MCTP2: variants seen among roughly 807,000 people sequenced by gnomAD.
The protein encoded by MCTP2 is multiple C2 and transmembrane domain containing 2.
Under a neutral mutation model 111.6 loss-of-function variants are expected in MCTP2, and 132 were observed. The observed-to-expected ratio is 1.18, with a 90% CI of 1.03 to 1.37. The LOEUF (loss-of-function observed/expected upper bound fraction) is 1.37. Among genes scored for constraint, MCTP2 ranks in the 40% most tolerant of loss-of-function variants. The pLI is 0.00. For synonymous variants in MCTP2, 395 were observed against 387.7 expected (o/e 1.02, Z -0.22); for missense variants, 1,183 against 1,067.9 (o/e 1.11, Z -1.50).
intron 17 of MCTP2, among the ~76,000 whole-genome samples, chr15:94,407,109 A>G (rs867015766): frequency 2.6e-5 from 4 of 152,310 alleles, no homozygotes; most frequent in Non-Finnish European, 5.9e-5. Context: ...TGGTAGATCC[A>G]ATCATGTATG....
At chr15:94,410,983 C>G (rs570652919) in intron 17 of MCTP2, among the ~76,000 whole-genome samples, 27 of 152,246 alleles carry the variant, frequency 1.8e-4, no homozygotes, top group South Asian at 4.2e-4. Flanking sequence ...AGCAAAATGG[C>G]CAAAAGGCAG....
At position 94,315,528 on chromosome 15, in the gene MCTP2, G is replaced by C; in HGVS notation, c.529-1G>C. 2 of 1,611,940 alleles carry C rather than the reference G, an allele frequency of 1.2e-6. No homozygotes were observed. Among genetic ancestry groups the C allele is most frequent in the South Asian group, 1.1e-5 (1 of 90,990 alleles). ...CTTAACTGCCTTCTCCATCTGTGCA[G>C]GTACCGGGGGAAGCCAGTGATGGCT... On this transcript the variant is annotated splice_acceptor_variant, in intron 3 of 22. Coordinates refer to ENST00000357742, the MANE Select transcript of MCTP2 (RefSeq NM_001385001.1). LOFTEE classifies it high-confidence loss of function.
chr15:94,426,275 T>G (rs975047061), intron 17 of MCTP2, among the ~76,000 whole-genome samples: 1 of 152,168 alleles, frequency 6.6e-6, no homozygotes, highest in South Asian at 2.1e-4. Context: ...GTATCACTTA[T>G]AGCTTTTTCC....
intron 1 of MCTP2, among the ~76,000 whole-genome samples, chr15:94,241,177 G>C (rs557552620): frequency 8.2e-4 from 124 of 151,834 alleles, no homozygotes; most frequent in East Asian, 2.9e-3. Flanking sequence ...TAGGATGTGA[G>C]AGCAAATGCA....
intron 11 of MCTP2, among the ~76,000 whole-genome samples, chr15:94,369,216 A>G (rs773571607): frequency 3.3e-5 from 5 of 152,250 alleles, no homozygotes; most frequent in Admixed American, 6.5e-5. Context: ...ACTGTTATTA[A>G]GCTTGTGTTA....
chr15:94,411,909 T>G (rs1444364274), intron 17 of MCTP2, among the ~76,000 whole-genome samples: 1 of 152,316 alleles, frequency 6.6e-6, no homozygotes, highest in South Asian at 2.1e-4. Context: ...ACTTTTCTAT[T>G]GCTTCCCAAG....
In MCTP2 at chr15:94,319,286, CT is replaced by C. The variant is rs577368702; in HGVS notation, c.637+3650del. ...GGGGTCCTCATTACTAATACATGTG[CT>C]CCCTCACTCCTGCCTCCTTTGCCTA... is the stretch of plus-strand genomic sequence containing the variant. On this transcript the variant is annotated intron_variant, in intron 4 of 22. Coordinates refer to ENST00000357742, the MANE Select transcript of MCTP2 (RefSeq NM_001385001.1). Among the ~76,000 whole-genome samples, 335 of 152,278 alleles carry C rather than the reference CT, an allele frequency of 2.2e-3. 1 individual carries two copies. The highest frequency in any genetic ancestry group is 7.0e-3 in the South Asian group (34 of 4,826).
At chr15:94,246,788 G>C (rs150078772) in intron 1 of MCTP2, among the ~76,000 whole-genome samples, 2 of 152,160 alleles carry the variant, frequency 1.3e-5, no homozygotes, top group African/African-American at 2.4e-5. Flanking sequence ...ACTTCATTGC[G>C]CTGACACTGG....
chr15:94,403,495 G>A (rs1418721255), intron 17 of MCTP2, among the ~76,000 whole-genome samples: 2 of 152,194 alleles, frequency 1.3e-5, no homozygotes, highest in Admixed American at 6.5e-5. Flanking sequence ...GAGGAGGAGA[G>A]GATTTCCTCT....
At chr15:94,358,697 A>G (rs2078762859) in intron 10 of MCTP2, 85 bp downstream of exon 10, 1 of 1,501,330 alleles carries the variant, frequency 6.7e-7, no homozygotes, top group Non-Finnish European at 9.0e-7. Context: ...GTTAGGGCTG[A>G]GGGCACTACC....
At chr15:94,421,609 C>G (rs1463416221) in intron 17 of MCTP2, among the ~76,000 whole-genome samples, 2 of 152,162 alleles carry the variant, frequency 1.3e-5, no homozygotes, top group Admixed American at 6.5e-5. Context: ...TCTTCAGATC[C>G]AGCAAGGGAA....
At chr15:94,277,352 G>A (rs1218656556) in intron 1 of MCTP2, among the ~76,000 whole-genome samples, 1 of 152,010 alleles carries the variant, frequency 6.6e-6, no homozygotes, top group Non-Finnish European at 1.5e-5. Flanking sequence ...GAAAACTTAG[G>A]TCCACACGAA....
chr15:94,453,118 T>C (rs912551859), intron 19 of MCTP2, among the ~76,000 whole-genome samples: 2 of 152,248 alleles, frequency 1.3e-5, no homozygotes, highest in South Asian at 4.1e-4. Context: ...TAAACTATTG[T>C]ATTTAATATT....
At chr15:94,370,265 G>A in intron 12 of MCTP2, 85 bp downstream of exon 12, 1 of 1,077,712 alleles carries the variant, frequency 9.3e-7, no homozygotes, top group Non-Finnish European at 1.4e-6. Context: ...TGCTTAATAA[G>A]CAGAAGTATG....
intron 11 of MCTP2, 31 bp downstream of exon 11, chr15:94,367,822 C>G (rs201964545): frequency 2.7e-4 from 422 of 1,535,194 alleles, no homozygotes; most frequent in Non-Finnish European, 3.4e-4. Flanking sequence ...TACACTCCCC[C>G]TCCTCCCACC....
At chr15:94,280,037 T>G (rs1380661100) in intron 1 of MCTP2, among the ~76,000 whole-genome samples, 1 of 151,952 alleles carries the variant, frequency 6.6e-6, no homozygotes, top group Non-Finnish European at 1.5e-5. Context: ...ACCCGTGTTC[T>G]TGACCTGAAG....
chr15:94,263,764 T>C (rs2073342832), intron 1 of MCTP2, among the ~76,000 whole-genome samples: 1 of 152,246 alleles, frequency 6.6e-6, no homozygotes, highest in South Asian at 2.1e-4. Flanking sequence ...TCTGGGAATA[T>C]GCATGTAGAG....
In MCTP2 at chr15:94,243,027, CTACACATACACGTGTA is replaced by C. The variant is rs1567249051; in HGVS notation, c.-66+11366_-66+11381del. 7.8e-5 allele frequency among the ~76,000 whole-genome samples: 5 copies of C among 64,504 alleles called. No individual in the cohort carries two copies. The East Asian group carries it at 1.4e-3, about 17-fold the overall frequency. The allele number at this position is 64,504 out of a possible 152,430, so 42.3% of individuals were successfully genotyped here. A position where few individuals can be genotyped will look rare whatever the true frequency, so the allele number is the denominator to read the frequency against. On this transcript the variant is annotated intron_variant, in intron 1 of 22. Coordinates refer to ENST00000357742, the MANE Select transcript of MCTP2 (RefSeq NM_001385001.1). ...TACACATACACGTGTATATGTGTATCTACACATACACGTGTATATGTGTATCTACACATACACGTGT... is the reference window on the plus strand; with the variant it reads ...TACACATACACGTGTATATGTGTATCTATGTGTATCTACACATACACGTGT...
At position 94,267,869 on chromosome 15, in the gene MCTP2, C is replaced by CTTTTTCTTT. The variant is rs1555443741; in HGVS notation, c.-65-30327_-65-30326insCTTTTTTTT. 1.7e-4 allele frequency among the ~76,000 whole-genome samples: 13 copies of CTTTTTCTTT among 77,454 alleles called. 1 individual carries two copies. The highest frequency in any genetic ancestry group is 2.9e-4 in the Non-Finnish European group (13 of 44,596). 50.8% of individuals were successfully genotyped at this position (77,454 alleles called of 152,430 possible). ...GGTCTGGATTACTTTCCTTTTCTTTCTTTTTTTTTTTTTTGAGACAGAGTC... is the reference window on the plus strand; with the variant it reads ...GGTCTGGATTACTTTCCTTTTCTTTCTTTTTCTTTTTTTTTTTTTTTTTGAGACAGAGTC... On this transcript the variant is annotated intron_variant, in intron 1 of 22. Coordinates refer to ENST00000357742, the MANE Select transcript of MCTP2 (RefSeq NM_001385001.1).
Sources: gnomAD v4.1 joint callset for allele counts (sites outside exome capture counted in the v4.1 genomes callset) on GRCh38, gnomAD v4.1.1 for gene constraint, MANE v1.5 for transcripts, NCBI Gene and HGNC (gene_info 2026-07-23, HGNC 2026-07-21) for gene names.